Variants in LNX1 observed in about 807,000 individuals in gnomAD.
The protein encoded by LNX1 is ligand of numb-protein X 1, also known as E3 ubiquitin-protein ligase LNX.
Under a neutral mutation model 68.4 loss-of-function variants are expected in LNX1, and 54 were observed. That is an observed-to-expected ratio of 0.79 (90% CI 0.63 to 0.99). The LOEUF is 0.99. Among genes scored for constraint, LNX1 ranks in the 50% least tolerant of loss-of-function variants. The probability of loss-of-function intolerance (pLI) is 0.00; values close to 1 mark genes in which losing one functional copy is unlikely to be tolerated. For missense variants in LNX1, 906 were observed against 926.4 expected, an observed-to-expected ratio of 0.98 and a Z score of 0.29; for synonymous variants, 336 against 350.0, an observed-to-expected ratio of 0.96 and a Z score of 0.45.
At chr4:53,527,620 G>T (rs1727715241) in intron 2 of LNX1, among the ~76,000 whole-genome samples, 1 of 152,184 alleles carries the variant, frequency 6.6e-6, no homozygotes, top group Non-Finnish European at 1.5e-5. Flanking sequence ...CATTTCCAGT[G>T]TCTCTCTTTA....
At chr4:53,474,084 C>A (rs575490683) in intron 9 of LNX1, among the ~76,000 whole-genome samples, 2 of 152,280 alleles carry the variant, frequency 1.3e-5, no homozygotes, top group East Asian at 3.9e-4. Context: ...TGAAGTGATA[C>A]AATAATTTGA....
chr4:53,579,514 T>C (rs1158355174), intron 1 of LNX1, among the ~76,000 whole-genome samples: 1 of 152,214 alleles, frequency 6.6e-6, no homozygotes, highest in Non-Finnish European at 1.5e-5. Flanking sequence ...GAAGCTTCTC[T>C]GCCTAATTCT....
Position 53,476,748 on chromosome 4 carries a change from C to G in LNX1, c.1892+5G>C. 4 of 1,610,968 alleles carry G rather than the reference C, an allele frequency of 2.5e-6. No homozygotes were observed. Among genetic ancestry groups the G allele is most frequent in the Non-Finnish European group, 3.4e-6 (4 of 1,177,100 alleles). ...CCCCTACAGGGATGTTGTGTTTGGA[C>G]TTACCGTGGTAATTCCAGCCACATG... On this transcript the variant is annotated splice_donor_5th_base_variant and intron_variant, in intron 9 of 10. Coordinates refer to ENST00000263925, the MANE Select transcript of LNX1 (RefSeq NM_001126328.3).
chr4:53,495,937 T>C, intron 6 of LNX1, 86 bp downstream of exon 6: 1 of 1,486,844 alleles, frequency 6.7e-7, no homozygotes, highest in Admixed American at 1.9e-5. Flanking sequence ...CATGTGGTAG[T>C]GACAGGGTGC....
At chr4:53,647,613 T>C (rs1206923774) in intron 1 of LNX1, among the ~76,000 whole-genome samples, 1 of 152,234 alleles carries the variant, frequency 6.6e-6, no homozygotes, top group Non-Finnish European at 1.5e-5. Flanking sequence ...TATGGTAAAA[T>C]ACACATAACA....
chr4:53,498,631 C>G lies in LNX1; in HGVS notation c.978+10G>C. On this transcript the variant is annotated intron_variant, in intron 5 of 10. Coordinates refer to ENST00000263925, the MANE Select transcript of LNX1 (RefSeq NM_001126328.3). ...GCCCCTTGCTGCAGCCCCACAGCCA[C>G]AGTCTCTACCTTTAGAATGATGTCT... 6.2e-7 allele frequency: 1 copy of G among 1,610,836 alleles called. No individual in the cohort carries two copies. The highest frequency in any genetic ancestry group is 8.5e-7 in the Non-Finnish European group (1 of 1,177,002).
chr4:53,512,353 ATGGCACATTCTAATCTC>A (rs1427458317), intron 2 of LNX1, among the ~76,000 whole-genome samples: 2 of 139,224 alleles, frequency 1.4e-5, no homozygotes, highest in African/African-American at 5.4e-5. Context: ...AGCTCCAGAG[ATGGCACATTCTAATCTC>A]TGGTAATTAA....
intron 6 of LNX1, among the ~76,000 whole-genome samples, chr4:53,486,365 G>C (rs1724291736): frequency 6.6e-6 from 1 of 152,148 alleles, no homozygotes; most frequent in Non-Finnish European, 1.5e-5. Flanking sequence ...GGGGCTACAG[G>C]CATGCCACTT....
intron 2 of LNX1, among the ~76,000 whole-genome samples, chr4:53,612,828 T>C (rs1257085095): frequency 1.3e-5 from 2 of 151,660 alleles, no homozygotes; most frequent in Non-Finnish European, 2.9e-5. Context: ...GAGGCTGCAG[T>C]GATCTGTGGT....
At chr4:53,518,848 T>G (rs571985740) in intron 2 of LNX1, among the ~76,000 whole-genome samples, 269 of 152,192 alleles carry the variant, frequency 1.8e-3, no homozygotes, top group Non-Finnish European at 3.1e-3. Flanking sequence ...AGAAGCAGGT[T>G]TTTCATAACC....
intron 1 of LNX1, among the ~76,000 whole-genome samples, chr4:53,579,092 G>A (rs1731672361): frequency 6.6e-6 from 1 of 152,180 alleles, no homozygotes; most frequent in South Asian, 2.1e-4. Flanking sequence ...CCAAAAGTAA[G>A]AGAGAGGGCC....
In LNX1 at chr4:53,478,678, G is replaced by A; in HGVS notation, c.1550C>T (p.Ser517Phe). The A allele has an allele frequency of 6.2e-7, 1 of 1,614,126 alleles. No homozygotes were observed. The highest frequency in any genetic ancestry group is 8.5e-7 in the Non-Finnish European group (1 of 1,179,998). The change falls in exon 8 of 11, where the codon TCT becomes TTT. Residue 517 changes from serine to phenylalanine, a missense_variant. By Grantham distance (155) the Ser-to-Phe change is radical. Coordinates refer to ENST00000263925, the MANE Select transcript of LNX1 (RefSeq NM_001126328.3). ...TCCCCCTGCGACGGTCATGCCGAGA[G>A]ATTCACCGGGGTCTTTTTGGATATT... The part of the protein sequence containing the change: ...VVNIQKDPGE[S>F]LGMTVAGGAS...
In LNX1 at chr4:53,498,628, C is replaced by A; in HGVS notation, c.978+13G>T. The A allele has an allele frequency of 6.2e-7, 1 of 1,609,742 alleles. No homozygotes were observed. Among genetic ancestry groups the A allele is most frequent in the Non-Finnish European group, 8.5e-7 (1 of 1,176,010 alleles). On this transcript the variant is annotated intron_variant, in intron 5 of 10. Transcript: ENST00000263925. ...CAAGCCCCTTGCTGCAGCCCCACAG[C>A]CACAGTCTCTACCTTTAGAATGATG... is the stretch of plus-strand genomic sequence containing the variant.
At chr4:53,577,863 G>A (rs189354271) in intron 1 of LNX1, among the ~76,000 whole-genome samples, 60 of 152,278 alleles carry the variant, frequency 3.9e-4, no homozygotes, top group Admixed American at 1.0e-3. Context: ...CTAATCAAGT[G>A]AGGTTTTTAT....
At chr4:53,474,832 T>C (rs62323564) in intron 9 of LNX1, among the ~76,000 whole-genome samples, 16,783 of 152,092 alleles carry the variant, frequency 0.11, 1,072 homozygotes, top group East Asian at 0.16. Context: ...AGTGGCGCGA[T>C]CTCAGCTCAC....
chr4:53,527,220 T>C (rs1156918817), intron 2 of LNX1, among the ~76,000 whole-genome samples: 1 of 152,242 alleles, frequency 6.6e-6, no homozygotes, highest in East Asian at 1.9e-4. Context: ...TGAATTTCAA[T>C]GAACAGATAT....
chr4:53,602,817 T>C (rs1352853352), intron 2 of LNX1: 3 of 152,214 alleles, frequency 2.0e-5, no homozygotes, highest in Admixed American at 1.3e-4. Flanking sequence ...CCATGACATA[T>C]CATTTTACTC....
Position 53,577,551 on chromosome 4 carries a change from C to A in LNX1, c.-86-3463G>T, listed in dbSNP as rs1731572216. 2.0e-5 allele frequency among the ~76,000 whole-genome samples: 3 copies of A among 152,184 alleles called. No individual in the cohort carries two copies. The East Asian group carries it at 5.8e-4, about 29-fold the overall frequency. On this transcript the variant is annotated intron_variant, in intron 1 of 10. Coordinates refer to ENST00000263925, the MANE Select transcript of LNX1 (RefSeq NM_001126328.3). ...GAGATAGGAGGAAACCAAGGGGGAG[C>A]TTTGCCCACTCCTCCAGCTCTGCCA... is the stretch of plus-strand genomic sequence containing the variant.
chr4:53,648,439 C>T (rs1383518211), intron 1 of LNX1, among the ~76,000 whole-genome samples: 1 of 150,450 alleles, frequency 6.6e-6, no homozygotes, highest in Non-Finnish European at 1.5e-5. Flanking sequence ...GTCATTTGTC[C>T]ATTTGAATTG....
Sources: allele counts gnomAD v4.1 joint callset (sites outside exome capture counted in the v4.1 genomes callset), GRCh38; gene constraint gnomAD v4.1.1; transcripts MANE v1.5; gene names NCBI Gene and HGNC (gene_info 2026-07-23, HGNC 2026-07-21).